EEF1AKMT2: variants seen among roughly 807,000 people sequenced by gnomAD.
EEF1AKMT2 encodes the protein EEF1A lysine methyltransferase 2.
EEF1AKMT2 carries 32 observed loss-of-function variants against 35.8 expected under a neutral mutation model. The ratio of observed to expected loss-of-function variants is 0.89; its 90% CI spans 0.67 to 1.20. The LOEUF (loss-of-function observed/expected upper bound fraction) is 1.20. Among genes scored for constraint, EEF1AKMT2 ranks in the 50% most tolerant of loss-of-function variants. The pLI is 0.00. For missense variants in EEF1AKMT2, 330 were observed against 347.5 expected (o/e 0.95, Z 0.40); for synonymous variants, 121 against 133.7 (o/e 0.91, Z 0.65).
intron 4 of EEF1AKMT2, among the ~76,000 whole-genome samples, chr10:124,771,465 A>C (rs993161240): frequency 6.6e-6 from 1 of 152,222 alleles, no homozygotes; most frequent in Non-Finnish European, 1.5e-5. Context: ...TATGACATCC[A>C]TAGCCTTATG....
intron 4 of EEF1AKMT2, among the ~76,000 whole-genome samples, chr10:124,770,129 A>G (rs1950417752): frequency 6.6e-6 from 1 of 151,636 alleles, no homozygotes; most frequent in Non-Finnish European, 1.5e-5. Context: ...CTAAAAAAAT[A>G]CAAAAATGGC....
intron 3 of EEF1AKMT2, among the ~76,000 whole-genome samples, chr10:124,785,238 C>A (rs2134141805): frequency 9.6e-6 from 1 of 104,330 alleles, no homozygotes; most frequent in Non-Finnish European, 1.8e-5. Context: ...CAGAGCAAGA[C>A]TCCGTCTCAA....
intron 3 of EEF1AKMT2, among the ~76,000 whole-genome samples, chr10:124,779,747 C>CAAAAAAAAAAAAAAA (rs34475748): frequency 3.5e-5 from 1 of 28,174 alleles, no homozygotes; most frequent in East Asian, 1.6e-3. Context: ...GACTCCATCT[C>CAAAAAAAAAAAAAAA]AAAAAAAAAA....
intron 3 of EEF1AKMT2, among the ~76,000 whole-genome samples, chr10:124,776,889 TA>T (rs66606133): frequency 0.94 from 143,097 of 151,608 alleles, 68,022 homozygotes; most frequent in Non-Finnish European, 1. Flanking sequence ...CAGCAAAAAA[TA>T]AAAAAAAAAT....
At chr10:124,771,341 C>T (rs567675689) in intron 4 of EEF1AKMT2, among the ~76,000 whole-genome samples, 122 of 151,698 alleles carry the variant, frequency 8.0e-4, no homozygotes, top group African/African-American at 2.7e-3. Flanking sequence ...CCTTGTGATC[C>T]GCCCACCTTG....
chr10:124,782,898 A>C (rs1348612211), intron 3 of EEF1AKMT2: 3 of 372,782 alleles, frequency 8.0e-6, no homozygotes, highest in Non-Finnish European at 1.6e-5. Flanking sequence ...ATTGAACATA[A>C]ATGTTCTAAA....
At chr10:124,788,161 A>G (rs1950603446) in intron 3 of EEF1AKMT2, among the ~76,000 whole-genome samples, 1 of 152,124 alleles carries the variant, frequency 6.6e-6, no homozygotes, top group African/African-American at 2.4e-5. Flanking sequence ...CCTTTAGATA[A>G]TATTTCCATT....
At chr10:124,781,243 C>A (rs1345984710) in intron 3 of EEF1AKMT2, among the ~76,000 whole-genome samples, 2 of 151,738 alleles carry the variant, frequency 1.3e-5, no homozygotes, top group Non-Finnish European at 2.9e-5. Context: ...CGTGCCCAGC[C>A]CATAACATTT....
intron 4 of EEF1AKMT2, among the ~76,000 whole-genome samples, chr10:124,774,094 G>A (rs1286112565): frequency 2.6e-5 from 4 of 152,098 alleles, no homozygotes; most frequent in Admixed American, 6.5e-5. Context: ...TGGGCAGGGC[G>A]CGGTGGCTCA....
chr10:124,763,570 A>G (rs1950350897), intron 5 of EEF1AKMT2, among the ~76,000 whole-genome samples: 1 of 152,190 alleles, frequency 6.6e-6, no homozygotes, highest in South Asian at 2.1e-4. Flanking sequence ...ATAATTATTT[A>G]TATAACATTT....
intron 3 of EEF1AKMT2, among the ~76,000 whole-genome samples, chr10:124,786,505 CAAA>C (rs1374051961): frequency 8.8e-6 from 1 of 113,300 alleles, no homozygotes. Flanking sequence ...GACTCCGTCT[CAAA>C]AAAAAAAAAA....
At chr10:124,771,300 C>T (rs1040766776) in intron 4 of EEF1AKMT2, among the ~76,000 whole-genome samples, 5 of 151,798 alleles carry the variant, frequency 3.3e-5, no homozygotes, top group Admixed American at 6.6e-5. Flanking sequence ...GGGGTTTCAC[C>T]ATGTTAGCCA....
At chr10:124,756,840 C>A (rs1291322144), downstream of EEF1AKMT2, among the ~76,000 whole-genome samples, 1 of 152,132 alleles carries the variant, frequency 6.6e-6, no homozygotes, top group Non-Finnish European at 1.5e-5. Context: ...ACATAGGAAT[C>A]CATCAATTGA....
intron 2 of EEF1AKMT2, among the ~76,000 whole-genome samples, chr10:124,789,852 C>T (rs920904216): frequency 6.6e-6 from 1 of 151,456 alleles, no homozygotes; most frequent in African/African-American, 2.4e-5. Flanking sequence ...TCCAGGGTTC[C>T]CAGGATTTTT....
At chr10:124,785,253 A>G (rs1229283594) in intron 3 of EEF1AKMT2, among the ~76,000 whole-genome samples, 7 of 148,494 alleles carry the variant, frequency 4.7e-5, no homozygotes, top group Non-Finnish European at 8.9e-5. Flanking sequence ...TCTCAAAAAA[A>G]AAAAAAAAAA....
At chr10:124,789,657 TG>T (rs1189821999) in intron 2 of EEF1AKMT2, among the ~76,000 whole-genome samples, 1 of 150,766 alleles carries the variant, frequency 6.6e-6, no homozygotes, top group African/African-American at 2.4e-5. Context: ...CAGGAGGCTG[TG>T]GCGGGAGGAT....
intron 4 of EEF1AKMT2, among the ~76,000 whole-genome samples, chr10:124,768,294 G>A (rs958325955): frequency 1.3e-5 from 2 of 152,154 alleles, no homozygotes; most frequent in African/African-American, 2.4e-5. Context: ...GCAAGGAAGC[G>A]ACATGAACAG....
chr10:124,780,324 G>C (rs970707646), intron 3 of EEF1AKMT2, among the ~76,000 whole-genome samples: 2 of 144,430 alleles, frequency 1.4e-5, no homozygotes, highest in African/African-American at 4.9e-5. Context: ...CAGAAAACAT[G>C]TTAAATACTA....
intron 4 of EEF1AKMT2, chr10:124,765,813 G>T: frequency 2.0e-6 from 1 of 497,498 alleles, no homozygotes. Context: ...AAGAGAGACT[G>T]GTATTTCCTG....
Sources: allele counts gnomAD v4.1 joint callset (sites outside exome capture counted in the v4.1 genomes callset), GRCh38; gene constraint gnomAD v4.1.1; transcripts MANE v1.5; gene names NCBI Gene and HGNC (gene_info 2026-07-23, HGNC 2026-07-21).